Variants in ZCWPW2 observed in about 807,000 individuals in gnomAD.
ZCWPW2 encodes zinc finger CW-type PWWP domain protein 2.
ZCWPW2 carries 45 observed loss-of-function variants against 46.6 expected under a neutral mutation model. That is an observed-to-expected ratio of 0.96 (90% CI 0.76 to 1.24). ZCWPW2 has a LOEUF of 1.24. ZCWPW2 is among the 50% of genes most tolerant of loss of function. The probability of loss-of-function intolerance (pLI) is 0.00; values close to 1 mark genes in which losing one functional copy is unlikely to be tolerated. For missense variants in ZCWPW2, 429 were observed against 403.9 expected, an observed-to-expected ratio of 1.06 and a Z score of -0.53; for synonymous variants, 152 against 137.1, an observed-to-expected ratio of 1.11 and a Z score of -0.76.
At chr3:28,474,324 A>T (rs1036405842) in intron 4 of ZCWPW2, among the ~76,000 whole-genome samples, 10 of 152,202 alleles carry the variant, frequency 6.6e-5, no homozygotes, top group African/African-American at 2.4e-4. Context: ...TCCAAAATTT[A>T]AAATATACAT....
chr3:28,481,344 A>T (rs958570947), intron 5 of ZCWPW2, among the ~76,000 whole-genome samples: 2 of 152,072 alleles, frequency 1.3e-5, no homozygotes, highest in Non-Finnish European at 2.9e-5. Context: ...CCTGGGTTCT[A>T]GCAATTCTCC....
rs547580997 is a variant in ZCWPW2 at position 28,494,973 on chromosome 3, G to C, written c.657+2800G>C. Among the ~76,000 whole-genome samples the C allele has an allele frequency of 3.1e-4, 47 of 151,926 alleles. 1 individual carries two copies. The highest frequency in any genetic ancestry group is 1.1e-3 in the African/African-American group (44 of 41,400). On this transcript the variant is annotated intron_variant, in intron 6 of 9. Coordinates refer to ENST00000383768, the MANE Select transcript of ZCWPW2 (RefSeq NM_001040432.4). ...AACATTCCATGCTCATGGGTAGGAA[G>C]ATTCAATATTGTGAAAATGGCCATA...
intron 4 of ZCWPW2, chr3:28,447,828 C>T: frequency 1.9e-6 from 2 of 1,033,596 alleles, no homozygotes; most frequent in Non-Finnish European, 3.0e-6. Flanking sequence ...TACCTTTATA[C>T]AAAGAAGGTT....
intron 4 of ZCWPW2, among the ~76,000 whole-genome samples, chr3:28,462,886 C>G (rs1698694377): frequency 6.6e-6 from 1 of 152,284 alleles, no homozygotes; most frequent in South Asian, 2.1e-4. Context: ...AAGAGACATT[C>G]AACTTCTTCC....
chr3:28,370,377 T>G lies in ZCWPW2; in HGVS notation c.-133-20121T>G, dbSNP rs151292693. Among the ~76,000 whole-genome samples the G allele has an allele frequency of 1.2e-4, 19 of 152,280 alleles. No individual in the cohort carries two copies. The East Asian group carries it at 3.7e-3, about 29-fold the overall frequency. Reference sequence around the variant, plus strand: ...AGCTAGCAGTTTTAGAATAGATAAATAAGTTGTGGTATATTTTCATAATGG... The same window carrying G: ...AGCTAGCAGTTTTAGAATAGATAAAGAAGTTGTGGTATATTTTCATAATGG... On this transcript the variant is annotated intron_variant, in intron 1 of 9. Transcript: ENST00000383768.
At chr3:28,510,990 A>G (rs1022600635) in intron 6 of ZCWPW2, 4 of 450,512 alleles carry the variant, frequency 8.9e-6, no homozygotes, top group African/African-American at 6.0e-5. Context: ...TGGTAGCTAC[A>G]TTCTGGAACT....
chr3:28,420,830 T>TC (rs1364051795), intron 3 of ZCWPW2, among the ~76,000 whole-genome samples: 2 of 152,136 alleles, frequency 1.3e-5, no homozygotes, highest in African/African-American at 4.8e-5. Flanking sequence ...TAACTTTTTT[T>TC]CAGTTCATTT....
At chr3:28,516,446 C>T (rs894570814) in intron 8 of ZCWPW2, among the ~76,000 whole-genome samples, 1 of 152,026 alleles carries the variant, frequency 6.6e-6, no homozygotes, top group African/African-American at 2.4e-5. Context: ...ACTAAATTGT[C>T]GTTGGTTAGA....
intron 1 of ZCWPW2, among the ~76,000 whole-genome samples, chr3:28,354,113 C>T (rs913809165): frequency 1.8e-4 from 28 of 152,134 alleles, no homozygotes; most frequent in Admixed American, 2.6e-4. Context: ...AAGCCAGTCA[C>T]ATTGACAAAG....
chr3:28,422,830 A>G (rs894516948), intron 3 of ZCWPW2, among the ~76,000 whole-genome samples: 4 of 151,814 alleles, frequency 2.6e-5, no homozygotes, highest in African/African-American at 9.7e-5. Flanking sequence ...TGGCTGTATT[A>G]TTTTGCATTC....
intron 1 of ZCWPW2, among the ~76,000 whole-genome samples, chr3:28,359,762 A>T (rs1212975153): frequency 6.6e-6 from 1 of 152,148 alleles, no homozygotes; most frequent in East Asian, 1.9e-4. Context: ...ACGTTCATGA[A>T]ACATTCCCTT....
intron 6 of ZCWPW2, among the ~76,000 whole-genome samples, chr3:28,504,418 G>T (rs552779111): frequency 6.6e-6 from 1 of 151,712 alleles, no homozygotes; most frequent in South Asian, 2.1e-4. Context: ...GAAGGTAAAT[G>T]CTTAAAGCAT....
At chr3:28,506,088 TATATATA>T (rs1026999421) in intron 6 of ZCWPW2, among the ~76,000 whole-genome samples, 2 of 147,138 alleles carry the variant, frequency 1.4e-5, no homozygotes, top group Non-Finnish European at 3.0e-5. Flanking sequence ...ATATATATTA[TATATATA>T]ATATATAATA....
At chr3:28,414,581 A>C (rs1422897197) in intron 3 of ZCWPW2, among the ~76,000 whole-genome samples, 1 of 142,982 alleles carries the variant, frequency 7.0e-6, no homozygotes, top group African/African-American at 2.6e-5. Flanking sequence ...AGCGTTAGGT[A>C]TATCTCCGAA....
chr3:28,468,506 C>T (rs1287923563), intron 4 of ZCWPW2, among the ~76,000 whole-genome samples: 1 of 152,048 alleles, frequency 6.6e-6, no homozygotes, highest in Non-Finnish European at 1.5e-5. Flanking sequence ...AAGACTACTT[C>T]AGGGCATTTA....
intron 1 of ZCWPW2, among the ~76,000 whole-genome samples, chr3:28,361,481 G>T (rs1575046493): frequency 6.6e-6 from 1 of 151,964 alleles, no homozygotes; most frequent in Middle Eastern, 3.4e-3. Context: ...TCTTGGTGAT[G>T]ATTTCTTGGA....
At chr3:28,466,824 A>G (rs1698843210) in intron 4 of ZCWPW2, among the ~76,000 whole-genome samples, 3 of 152,048 alleles carry the variant, frequency 2.0e-5, no homozygotes, top group Admixed American at 1.3e-4. Flanking sequence ...TAAAAATAAA[A>G]CATGAGTAAA....
At chr3:28,447,931 A>G (rs1698061254) in intron 4 of ZCWPW2, 1 of 770,140 alleles carries the variant, frequency 1.3e-6, no homozygotes, top group South Asian at 1.3e-5. Flanking sequence ...ATTGTCCAAA[A>G]CAAAAAAACA....
Position 28,478,831 on chromosome 3 carries a change from TA to T in ZCWPW2, c.515del (p.Lys172ArgfsTer72). On this transcript the variant is annotated frameshift_variant, in exon 5 of 10. Transcript: ENST00000383768. LOFTEE classifies it high-confidence loss of function. ...ITLKPEKCKN[K>X]KKWYKSALQE... ...TTATATAGCCAGAAAAGTGTAAGAA[TA>T]AAAAGAAGTGGTATAAAAGTGCACT... 1 of 1,551,136 alleles carries T rather than the reference TA, an allele frequency of 6.4e-7. No individual in the cohort carries two copies. Among genetic ancestry groups the T allele is most frequent in the Non-Finnish European group, 8.7e-7 (1 of 1,154,048 alleles).
Sources: gnomAD v4.1 joint callset for allele counts (sites outside exome capture counted in the v4.1 genomes callset) on GRCh38, gnomAD v4.1.1 for gene constraint, MANE v1.5 for transcripts, NCBI Gene and HGNC (gene_info 2026-07-23, HGNC 2026-07-21) for gene names.